Variants in CATSPERB observed in about 807,000 individuals in gnomAD.
CATSPERB encodes the protein catsper channel auxiliary subunit beta, also known as cation channel sperm-associated auxiliary subunit beta.
CATSPERB carries 93 observed loss-of-function variants against 128.3 expected under a neutral mutation model. That is an observed-to-expected ratio of 0.72 (90% CI 0.61 to 0.86). The LOEUF (loss-of-function observed/expected upper bound fraction) is 0.86, where lower values mean the gene tolerates loss of function less well. Among genes scored for constraint, CATSPERB ranks in the 40% least tolerant of loss-of-function variants. The probability of loss-of-function intolerance (pLI) is 0.00; values close to 1 mark genes in which losing one functional copy is unlikely to be tolerated. For missense variants in CATSPERB, 1,153 were observed against 1,329.5 expected, an observed-to-expected ratio of 0.87 and a Z score of 2.06; for synonymous variants, 381 against 448.8, an observed-to-expected ratio of 0.85 and a Z score of 1.91.
intron 17 of CATSPERB, among the ~76,000 whole-genome samples, chr14:91,629,319 C>T (rs983201117): frequency 9.9e-5 from 15 of 152,038 alleles, no homozygotes; most frequent in African/African-American, 3.6e-4. Context: ...CTGGAAAAGG[C>T]AAAATTATGG....
Position 91,659,820 on chromosome 14 carries a change from G to A in CATSPERB, c.1432+17C>T. ...GGCCACATGTAATGCTTACACCAGT[G>A]AAAGCAAATTTCTTACCTGCCTTTG... On this transcript the variant is annotated intron_variant, in intron 15 of 26. Coordinates refer to ENST00000256343, the MANE Select transcript of CATSPERB (RefSeq NM_024764.4). 2 of 1,599,894 alleles carry A rather than the reference G, an allele frequency of 1.3e-6. No individual in the cohort carries two copies. The highest frequency in any genetic ancestry group is 4.5e-5 in the East Asian group (2 of 44,518).
chr14:91,677,986 C>A (rs1895218072), intron 11 of CATSPERB, among the ~76,000 whole-genome samples: 1 of 152,108 alleles, frequency 6.6e-6, no homozygotes, highest in Non-Finnish European at 1.5e-5. Context: ...AGAAGAAAAC[C>A]AAACACCGCA....
Position 91,719,518 on chromosome 14 carries a change from A to C in CATSPERB, c.310-40T>G, listed in dbSNP as rs1385179102. 2.7e-6 allele frequency: 4 copies of C among 1,457,338 alleles called. No individual in the cohort carries two copies. In the African/African-American group the frequency reaches 4.2e-5, roughly 15 times the overall value. The allele number at this position is 1,457,338 out of a possible 1,614,324, so 90.3% of individuals were successfully genotyped here. On this transcript the variant is annotated intron_variant, in intron 4 of 26. Transcript: ENST00000256343. ...ACATCAGAAAACAATGTTTTACAAC[A>C]TGAATAACAACACATCACATTCTAT... is the stretch of plus-strand genomic sequence containing the variant.
intron 23 of CATSPERB, among the ~76,000 whole-genome samples, chr14:91,591,426 C>A (rs567913187): frequency 1.3e-5 from 2 of 151,956 alleles, no homozygotes; most frequent in Admixed American, 6.6e-5. Context: ...GACACAGAAG[C>A]CTTCTCTTAA....
rs377599011 is a variant in CATSPERB, at chr14:91,639,065, G to T, written c.1587+31C>A. ...AATGTGGCATCTATTCTTAAAATAA[G>T]GCAAACTGTTTCAATGCATTATATA... On this transcript the variant is annotated intron_variant, in intron 16 of 26. Transcript: ENST00000256343. The T allele has an allele frequency of 3.8e-5, 61 of 1,585,018 alleles. 1 individual carries two copies. The highest frequency in any genetic ancestry group is 2.0e-4 in the East Asian group (9 of 44,512).
At chr14:91,583,361 G>A (rs1344653060) in intron 26 of CATSPERB, among the ~76,000 whole-genome samples, 1 of 152,130 alleles carries the variant, frequency 6.6e-6, no homozygotes, top group Non-Finnish European at 1.5e-5. Flanking sequence ...GGAACTTGCA[G>A]TGAGCCGAGA....
intron 13 of CATSPERB, among the ~76,000 whole-genome samples, chr14:91,670,688 AAAG>A (rs1895073558): frequency 6.6e-6 from 1 of 150,548 alleles, no homozygotes; most frequent in African/African-American, 2.4e-5. Context: ...AAGAAAAAAA[AAAG>A]AGATATGAAA....
At chr14:91,633,282 T>C (rs1894309605) in intron 17 of CATSPERB, among the ~76,000 whole-genome samples, 1 of 152,194 alleles carries the variant, frequency 6.6e-6, no homozygotes, top group South Asian at 2.1e-4. Context: ...TGTAAAATTT[T>C]GCCTCCCATA....
chr14:91,668,373 A>G (rs1895025202), intron 14 of CATSPERB, among the ~76,000 whole-genome samples: 1 of 152,148 alleles, frequency 6.6e-6, no homozygotes. Flanking sequence ...AAACGCACCA[A>G]TCAGCACTCT....
chr14:91,711,537 A>G (rs1327960622), intron 5 of CATSPERB, among the ~76,000 whole-genome samples: 1 of 152,200 alleles, frequency 6.6e-6, no homozygotes, highest in Non-Finnish European at 1.5e-5. Flanking sequence ...GGCTGGTTTT[A>G]AGATTCATTT....
chr14:91,684,131 T>C (rs1182380463), intron 10 of CATSPERB, among the ~76,000 whole-genome samples, 188 bp from the exon 11 acceptor site: 1 of 152,182 alleles, frequency 6.6e-6, no homozygotes, highest in Non-Finnish European at 1.5e-5. Flanking sequence ...TTTTGAACAA[T>C]GCACAAAAAA....
chr14:91,602,956 A>G (rs1208177707), intron 22 of CATSPERB, among the ~76,000 whole-genome samples: 1 of 151,116 alleles, frequency 6.6e-6, no homozygotes, highest in Non-Finnish European at 1.5e-5. Context: ...TTCTTTTCTC[A>G]TCTGATTTTT....
intron 22 of CATSPERB, among the ~76,000 whole-genome samples, chr14:91,607,868 C>T (rs929040804): frequency 8.5e-5 from 13 of 152,228 alleles, no homozygotes; most frequent in Admixed American, 7.2e-4. Flanking sequence ...CTCCCTCCAC[C>T]TTTAGAGAGG....
chr14:91,636,617 C>G (rs779618809), intron 16 of CATSPERB, 38 bp from the exon 17 acceptor site: 1 of 1,516,150 alleles, frequency 6.6e-7, no homozygotes, highest in South Asian at 1.2e-5. Flanking sequence ...ATTTAAACTA[C>G]TTTATACTTC....
intron 13 of CATSPERB, among the ~76,000 whole-genome samples, chr14:91,671,538 C>T (rs938029112): frequency 1.3e-5 from 2 of 151,848 alleles, no homozygotes; most frequent in Admixed American, 6.6e-5. Context: ...TTGCAGTGAG[C>T]CAAGATTGCA....
chr14:91,652,572 G>A (rs954334612), intron 15 of CATSPERB, among the ~76,000 whole-genome samples: 5 of 149,046 alleles, frequency 3.4e-5, no homozygotes, highest in African/African-American at 1.2e-4. Flanking sequence ...TCGGGAGGCT[G>A]AGGCAGGAGA....
chr14:91,652,026 A>G (rs150125924), intron 15 of CATSPERB, among the ~76,000 whole-genome samples: 127 of 152,356 alleles, frequency 8.3e-4, no homozygotes, highest in African/African-American at 3.0e-3. Flanking sequence ...TGGGATAGGC[A>G]AAGAATTCTT....
intron 17 of CATSPERB, among the ~76,000 whole-genome samples, chr14:91,631,135 CT>C (rs1221639061): frequency 1.3e-5 from 2 of 152,166 alleles, no homozygotes; most frequent in Non-Finnish European, 2.9e-5. Flanking sequence ...TTTGGTTTAC[CT>C]GTTTATCACC....
intron 15 of CATSPERB, among the ~76,000 whole-genome samples, chr14:91,651,591 CT>C (rs1894705325): frequency 2.0e-5 from 3 of 152,148 alleles, no homozygotes; most frequent in Non-Finnish European, 2.9e-5. Context: ...GATTCTGGGA[CT>C]GAGTTGCTTA....
Sources: allele counts gnomAD v4.1 joint callset (sites outside exome capture counted in the v4.1 genomes callset), GRCh38; gene constraint gnomAD v4.1.1; transcripts MANE v1.5; gene names NCBI Gene and HGNC (gene_info 2026-07-23, HGNC 2026-07-21).